Variants in NAGK observed in about 807,000 individuals in gnomAD.
NAGK encodes N-acetylglucosamine kinase.
In NAGK, 35 loss-of-function variants were observed where a neutral mutation model predicts 42.9. The ratio of observed to expected loss-of-function variants is 0.82; its 90% CI spans 0.62 to 1.08. NAGK has a LOEUF of 1.08. Among genes scored for constraint, NAGK ranks in the 50% least tolerant of loss-of-function variants. NAGK has a pLI of 0.00. For synonymous variants in NAGK, 172 were observed against 176.0 expected, an observed-to-expected ratio of 0.98 and a Z score of 0.18; for missense variants, 446 against 446.0, an observed-to-expected ratio of 1.00 and a Z score of 0.00.
At chr2:71,071,912 A>G in intron 4 of NAGK, 85 bp downstream of exon 4, 2 of 1,520,332 alleles carry the variant, frequency 1.3e-6, no homozygotes, top group South Asian at 2.4e-5. Context: ...CTTGTTCTGC[A>G]AATATCCAGA....
At chr2:71,076,529 C>A in intron 7 of NAGK, 75 bp from the exon 8 acceptor site, 1 of 1,237,482 alleles carries the variant, frequency 8.1e-7, no homozygotes, top group Non-Finnish European at 1.2e-6. Flanking sequence ...TGCCTTGCAA[C>A]AGAGAGAGGA....
In NAGK at chr2:71,071,707, G is replaced by A. The variant is rs779700904; in HGVS notation, c.235G>A (p.Asp79Asn). The A allele has an allele frequency of 1.2e-6, 2 of 1,613,616 alleles. No individual in the cohort carries two copies. Among genetic ancestry groups the A allele is most frequent in the Non-Finnish European group, 1.7e-6 (2 of 1,179,940 alleles). The change falls in exon 4 of 10, where the codon GAC becomes AAC. Residue 79 changes from aspartate (D) to asparagine (N), a missense_variant. Coordinates refer to ENST00000244204, the MANE Select transcript of NAGK (RefSeq NM_017567.6). The stretch of plus-strand genomic sequence containing the variant: ...CTAGGGCCTATCTCTGAGCGGTGGG[G>A]ACCAGGAGGACGCGGGGAGGATCCT... ...RSLGLSLSGG[D>N]QEDAGRILIE... is the part of the protein sequence containing the mutation.
chr2:71,078,336 C>T lies in NAGK; in HGVS notation c.863C>T (p.Thr288Ile). The T allele has an allele frequency of 6.2e-7, 1 of 1,614,164 alleles. No individual in the cohort carries two copies. Among genetic ancestry groups the T allele is most frequent in the South Asian group, 1.1e-5 (1 of 91,078 alleles). ...LLKEGFLLAL[T>I]QGREIQAQNF... ...CCTCCAGGTTTTCTTCTGGCGCTGACCCAGGGCAGAGAGATCCAGGCTCAG... is the reference window on the plus strand; with the variant it reads ...CCTCCAGGTTTTCTTCTGGCGCTGATCCAGGGCAGAGAGATCCAGGCTCAG... Residue 288 changes from threonine (T) to isoleucine (I), a missense_variant, in exon 10 of 10, where the codon ACC becomes ATC. By Grantham distance (89) the Thr-to-Ile change is moderately conservative. Coordinates refer to ENST00000244204, the MANE Select transcript of NAGK (RefSeq NM_017567.6).
At chr2:71,076,135 C>T in intron 7 of NAGK, 1 of 181,164 alleles carries the variant, frequency 5.5e-6, no homozygotes, top group Admixed American at 5.6e-5. Context: ...TCTCTTAGAT[C>T]CTGCTGGACT....
Position 71,071,693 on chromosome 2 carries a change from C to G in NAGK, c.221C>G (p.Ser74Cys). 1.2e-6 allele frequency: 2 copies of G among 1,613,240 alleles called. No individual in the cohort carries two copies. The highest frequency in any genetic ancestry group is 1.3e-5 in the African/African-American group (1 of 75,034). Residue 74 changes from serine (S) to cysteine (C), a missense_variant, in exon 4 of 10, where the codon TCT (serine) becomes TGT (cysteine). Coordinates refer to ENST00000244204, the MANE Select transcript of NAGK (RefSeq NM_017567.6). ...ACCTCCCGCGTGGCCTAGGGCCTAT[C>G]TCTGAGCGGTGGGGACCAGGAGGAC... ...PLVPLRSLGLSLSGGDQEDAG... is the reference protein window; with the variant it reads ...PLVPLRSLGLCLSGGDQEDAG...
At chr2:71,074,100 CATTT>C (rs1238925913) in intron 6 of NAGK, among the ~76,000 whole-genome samples, 1 of 152,090 alleles carries the variant, frequency 6.6e-6, no homozygotes, top group African/African-American at 2.4e-5. Context: ...GTGCTGTGTT[CATTT>C]GTGGTAAGTT....
Position 71,071,533 on chromosome 2 carries a change from G to C in NAGK, c.214-153G>C, listed in dbSNP as rs866472647. On this transcript the variant is annotated intron_variant, in intron 3 of 9. Coordinates refer to ENST00000244204, the MANE Select transcript of NAGK (RefSeq NM_017567.6). Reference sequence around the variant, plus strand: ...TTCTTATAACCACAGCCTTCTGAGGGGTCATTGTGTGGGGAGAAAGGAGGA... The same window carrying C: ...TTCTTATAACCACAGCCTTCTGAGGCGTCATTGTGTGGGGAGAAAGGAGGA... The C allele has an allele frequency of 2.3e-5, 24 of 1,053,386 alleles. No homozygotes were observed. In the Middle Eastern group the frequency reaches 1.6e-3, roughly 71 times the overall value. The allele number at this position is 1,053,386 out of a possible 1,614,324, so 65.3% of individuals were successfully genotyped here. A position where few individuals can be genotyped will look rare whatever the true frequency, so the allele number is the denominator to read the frequency against.
chr2:71,075,709 G>T (rs1163612449), intron 7 of NAGK, 67 bp downstream of exon 7: 1 of 1,448,074 alleles, frequency 6.9e-7, no homozygotes, highest in African/African-American at 1.4e-5. Flanking sequence ...GGGAGATTGA[G>T]TGGGGTTCAG....
At chr2:71,075,769 C>A in intron 7 of NAGK, 127 bp downstream of exon 7, 1 of 902,670 alleles carries the variant, frequency 1.1e-6, no homozygotes, top group Non-Finnish European at 1.8e-6. Flanking sequence ...AGTTCTCTGC[C>A]ACCACTGGCC....
chr2:71,075,550 C>T lies in NAGK; in HGVS notation c.580-5C>T, dbSNP rs760745158. 6.2e-7 allele frequency: 1 copy of T among 1,610,562 alleles called. No individual in the cohort carries two copies. The highest frequency in any genetic ancestry group is 8.5e-7 in the Non-Finnish European group (1 of 1,176,836). ...ATGACTCTCTTGTGCCCTTTCTCCT[C>T]TCAGGTGCCAGATCGGCTAGGGATA... On this transcript the variant is annotated splice_region_variant and splice_polypyrimidine_tract_variant and intron_variant, in intron 6 of 9. Coordinates refer to ENST00000244204, the MANE Select transcript of NAGK (RefSeq NM_017567.6).
intron 3 of NAGK, 123 bp from the exon 4 acceptor site, chr2:71,071,563 G>A (rs1672002674): frequency 2.2e-6 from 3 of 1,336,016 alleles, no homozygotes; most frequent in Admixed American, 2.6e-5. Flanking sequence ...GGAGGACTGG[G>A]GCTGGGTGAA....
chr2:71,075,802 T>A (rs1328890516), intron 7 of NAGK, 160 bp downstream of exon 7: 1 of 687,552 alleles, frequency 1.5e-6, no homozygotes, highest in East Asian at 2.7e-5. Flanking sequence ...GGCCTTGGGG[T>A]GGAGGCAGAA....
At chr2:71,069,006 G>A (rs773578638) in intron 1 of NAGK, 86 of 1,182,532 alleles carry the variant, frequency 7.3e-5, no homozygotes, top group Non-Finnish European at 8.7e-5. Flanking sequence ...AGCTGGAGAA[G>A]CAGCTCCTTT....
rs747475792 is a variant in NAGK, at chr2:71,071,791, G to C, written c.319G>C (p.Asp107His). Residue 107 changes from aspartate to histidine, a missense_variant, in exon 4 of 10, where the codon GAT becomes CAT. Coordinates refer to ENST00000244204, the MANE Select transcript of NAGK (RefSeq NM_017567.6). ...GAGTGAAAGCTACTTAATCACCACC[G>C]ATGCCGCCGGCTCCATCGCCACAGC... ...YLSESYLITT[D>H]AAGSIATATP... is the part of the protein sequence containing the mutation. 1 of 1,614,028 alleles carries C rather than the reference G, an allele frequency of 6.2e-7. No homozygotes were observed. Among genetic ancestry groups the C allele is most frequent in the Non-Finnish European group, 8.5e-7 (1 of 1,180,024 alleles).
chr2:71,068,556 G>C, upstream of NAGK: 2 of 1,500,386 alleles, frequency 1.3e-6, no homozygotes, highest in South Asian at 2.5e-5. Context: ...ATGCGCACGC[G>C]CACAGGGAGT....
rs559023569 is a variant in NAGK, at chr2:71,075,556, T to C, written c.581T>C (p.Val194Ala). 610 of 1,612,572 alleles carry C rather than the reference T, an allele frequency of 3.8e-4. 1 individual carries two copies. In the South Asian group the frequency reaches 6.4e-3, roughly 17 times the overall value. The change falls in exon 7 of 10, where the codon GTG (valine) becomes GCG (alanine). Residue 194 changes from valine to alanine, a missense_variant and splice_region_variant. Physicochemically the swap from Val to Ala is moderately conservative, Grantham distance 64 (BLOSUM62 0). Coordinates refer to ENST00000244204, the MANE Select transcript of NAGK (RefSeq NM_017567.6). ...VKQAMFHYFQ[V>A]PDRLGILTHL... ...CTCTTGTGCCCTTTCTCCTCTCAGG[T>C]GCCAGATCGGCTAGGGATACTCACT...
intron 1 of NAGK, chr2:71,070,278 C>G (rs1422038141): frequency 2.2e-6 from 1 of 463,492 alleles, no homozygotes; most frequent in Non-Finnish European, 4.0e-6. Context: ...TAAGTAGAGT[C>G]TTGCAGGATA....
chr2:71,072,284 A>C, intron 4 of NAGK: 1 of 279,308 alleles, frequency 3.6e-6, no homozygotes, highest in Non-Finnish European at 6.9e-6. Flanking sequence ...AGTTGTATTC[A>C]TAAGATGGTT....
chr2:71,072,427 C>T, intron 4 of NAGK: 1 of 522,088 alleles, frequency 1.9e-6, no homozygotes, highest in Non-Finnish European at 3.5e-6. Flanking sequence ...TTCTCTTTGT[C>T]CCCCTAGACG....
Sources: gnomAD v4.1 joint callset for allele counts (sites outside exome capture counted in the v4.1 genomes callset) on GRCh38, gnomAD v4.1.1 for gene constraint, MANE v1.5 for transcripts, NCBI Gene and HGNC (gene_info 2026-07-23, HGNC 2026-07-21) for gene names.